The following FAM193B variants were observed in gnomAD, a reference collection of about 807,000 sequenced individuals.
FAM193B encodes family with sequence similarity 193 member B.
Under a neutral mutation model 70.7 loss-of-function variants are expected in FAM193B, and 27 were observed. The ratio of observed to expected loss-of-function variants is 0.38; its 90% confidence interval spans 0.28 to 0.53. The LOEUF is 0.53. FAM193B is among the 20% of genes least tolerant of loss of function. FAM193B has a pLI of 0.81. For missense variants in FAM193B, 1,022 were observed against 1,072.5 expected, an observed-to-expected ratio of 0.95 and a Z score of 0.66; for synonymous variants, 448 against 436.0, an observed-to-expected ratio of 1.03 and a Z score of -0.34.
At chr5:177,527,360 C>T (rs1053596930) in intron 5 of FAM193B, among the ~76,000 whole-genome samples, 4 of 152,128 alleles carry the variant, frequency 2.6e-5, no homozygotes, top group Non-Finnish European at 4.4e-5. Context: ...TGTTTGTGCC[C>T]GAGGGCAATG....
chr5:177,531,136 C>T (rs1763376735), intron 5 of FAM193B: 1 of 886,946 alleles, frequency 1.1e-6, no homozygotes, highest in African/African-American at 1.8e-5. Flanking sequence ...CCTGATGCCT[C>T]CCAAACTCAT....
rs1464498903 is a variant in FAM193B, at chr5:177,532,076, G to A, written c.1275+367C>T. ...CCTCGGCTGGCTGTCACACTTGGGG[G>A]ACTGAGAGCCTTTTTGCTTCCACTC... On this transcript the variant is annotated intron_variant, in intron 5 of 8. Coordinates refer to ENST00000514747, the MANE Select transcript of FAM193B (RefSeq NM_001190946.3). The surrounding 1 kb of genome is among the most constrained non-coding windows in gnomAD (Gnocchi z 4.9). 1 of 1,298,316 alleles carries A rather than the reference G, an allele frequency of 7.7e-7. No individual in the cohort carries two copies. Among genetic ancestry groups the A allele is most frequent in the Non-Finnish European group, 1.0e-6 (1 of 995,256 alleles). 80.4% of individuals were successfully genotyped at this position (1,298,316 alleles called of 1,614,324 possible).
At chr5:177,541,317 C>T (rs1764824575) in intron 1 of FAM193B, among the ~76,000 whole-genome samples, 1 of 152,198 alleles carries the variant, frequency 6.6e-6, no homozygotes, top group South Asian at 2.1e-4. Context: ...AAGGCGAGCA[C>T]CAAGACATGT....
At chr5:177,535,190 G>A (rs555236776) in intron 4 of FAM193B, among the ~76,000 whole-genome samples, 23 of 152,292 alleles carry the variant, frequency 1.5e-4, no homozygotes, top group Admixed American at 7.2e-4. Context: ...TAAAATGTCC[G>A]AATAACCCAA....
chr5:177,550,275 A>G (rs1766029682), intron 1 of FAM193B, among the ~76,000 whole-genome samples: 1 of 152,238 alleles, frequency 6.6e-6, no homozygotes, highest in Non-Finnish European at 1.5e-5. Context: ...GGATCCCCTC[A>G]GTATCATTTC....
intron 4 of FAM193B, among the ~76,000 whole-genome samples, chr5:177,533,449 C>T (rs138462421): frequency 0.016 from 2,392 of 152,126 alleles, 36 homozygotes; most frequent in Non-Finnish European, 0.026. Flanking sequence ...GGACTACAGG[C>T]GCCCGCAACC....
rs534704725 is a variant in FAM193B, at chr5:177,531,611, A to C, written c.1275+832T>G. ...CACGGGCACCAAGTATGTGATGAGA[A>C]GCAAGACAACTGTTCTCTCTACCAT... On this transcript the variant is annotated intron_variant, in intron 5 of 8. Transcript: ENST00000514747. 216 of 1,076,054 alleles carry C rather than the reference A, an allele frequency of 2.0e-4. 1 individual carries two copies. In the South Asian group the frequency reaches 2.7e-3, roughly 13 times the overall value. 66.7% of individuals were successfully genotyped at this position (1,076,054 alleles called of 1,614,324 possible). A position where few individuals can be genotyped will look rare whatever the true frequency, so the allele number is the denominator to read the frequency against.
rs887064385 is a variant in FAM193B at position 177,532,043 on chromosome 5, G to A, written c.1275+400C>T. The A allele has an allele frequency of 1.9e-5, 24 of 1,293,154 alleles. No individual in the cohort carries two copies. In the African/African-American group the frequency reaches 2.0e-4, roughly 11 times the overall value. The allele number at this position is 1,293,154 out of a possible 1,614,324, so 80.1% of individuals were successfully genotyped here. ...CCTTCCTGGCGCCGTCTGTGCTCAC[G>A]GCCTGTCCCTCGGCTGGCTGTCACA... is the stretch of plus-strand genomic sequence containing the variant. On this transcript the variant is annotated intron_variant, in intron 5 of 8. Coordinates refer to ENST00000514747, the MANE Select transcript of FAM193B (RefSeq NM_001190946.3). The surrounding 1 kb of genome is among the most constrained non-coding windows in gnomAD (Gnocchi z 4.9).
chr5:177,551,969 T>C, intron 1 of FAM193B: 2 of 953,014 alleles, frequency 2.1e-6, no homozygotes, highest in Non-Finnish European at 2.5e-6. Context: ...TAGAACCGAA[T>C]TTACCAGTTT....
chr5:177,536,851 C>A, intron 3 of FAM193B, 106 bp from the exon 4 acceptor site: 1 of 1,404,990 alleles, frequency 7.1e-7, no homozygotes, highest in Non-Finnish European at 9.5e-7. Flanking sequence ...CAAGAGGGCA[C>A]AGCCTCTCAG....
chr5:177,543,421 T>C (rs1765077555), intron 1 of FAM193B, among the ~76,000 whole-genome samples: 1 of 152,212 alleles, frequency 6.6e-6, no homozygotes, highest in Non-Finnish European at 1.5e-5. Flanking sequence ...GGCTGTTCTG[T>C]TCTAAGTCTA....
intron 1 of FAM193B, chr5:177,547,282 A>ATTTATTTTTTTTTTT (rs142591142): frequency 4.1e-5 from 1 of 24,686 alleles, no homozygotes; most frequent in Non-Finnish European, 8.4e-5. Context: ...AACCAAATTT[A>ATTTATTTTTTTTTTT]TTTCTTTTTT....
Position 177,554,527 on chromosome 5 carries a change from GCCGCTACCGCTC to G in FAM193B, c.-81_-70del. 1 of 905,912 alleles carries G rather than the reference GCCGCTACCGCTC, an allele frequency of 1.1e-6. No individual in the cohort carries two copies. The highest frequency in any genetic ancestry group is 1.3e-6 in the Non-Finnish European group (1 of 754,482). The allele number at this position is 905,912 out of a possible 1,614,324, so 56.1% of individuals were successfully genotyped here. On this transcript the variant is annotated 5_prime_UTR_variant, in exon 1 of 9. Coordinates refer to ENST00000514747, the MANE Select transcript of FAM193B (RefSeq NM_001190946.3). ...CGCCGCCGCCGCCGCCGCCGCCGCCGCCGCTACCGCTCCCCTCACAGGACAACAGCCAATATG... is the reference window on the plus strand; with the variant it reads ...CGCCGCCGCCGCCGCCGCCGCCGCCGCCCTCACAGGACAACAGCCAATATG...
chr5:177,531,536 G>GGGGGGGGGGGGGGGGGT, intron 5 of FAM193B: 4 of 1,047,028 alleles, frequency 3.8e-6, no homozygotes, highest in Non-Finnish European at 5.3e-6. Context: ...GGGTGGGGGG[G>GGGGGGGGGGGGGGGGGT]AGGTGCTGAC....
intron 8 of FAM193B, among the ~76,000 whole-genome samples, chr5:177,520,708 G>T (rs1761595106): frequency 6.6e-6 from 1 of 152,220 alleles, no homozygotes; most frequent in Non-Finnish European, 1.5e-5. Context: ...TCTCAGTAGG[G>T]ATAACAGATG....
At position 177,532,372 on chromosome 5, in the gene FAM193B, G is replaced by A; in HGVS notation, c.1275+71C>T. On this transcript the variant is annotated intron_variant, in intron 5 of 8. Transcript: ENST00000514747. The surrounding 1 kb of genome is among the most constrained non-coding windows in gnomAD (Gnocchi z 4.9). ...CACCGTGAGCAACGGGGTCTCTGGG[G>A]AGAGCAGGGTGCTCCTTTTGCTCAC... The A allele has an allele frequency of 6.5e-7, 1 of 1,536,144 alleles. No homozygotes were observed. Among genetic ancestry groups the A allele is most frequent in the Non-Finnish European group, 8.7e-7 (1 of 1,144,640 alleles).
intron 1 of FAM193B, 32 bp downstream of exon 1, chr5:177,554,217 C>G: frequency 1.3e-6 from 2 of 1,487,972 alleles, no homozygotes; most frequent in Middle Eastern, 1.8e-4. Context: ...TGAAAGCGCC[C>G]GAGCCGCCGA....
rs368787352 is a variant in FAM193B at position 177,540,222 on chromosome 5, G to A, written c.211-1075C>T. Reference sequence around the variant, plus strand: ...CTCGGGAGGCTGGGGCAGGAGAATCGCTTGAACCTGGGAGGCGGAGCTTGC... The same window carrying A: ...CTCGGGAGGCTGGGGCAGGAGAATCACTTGAACCTGGGAGGCGGAGCTTGC... On this transcript the variant is annotated intron_variant, in intron 1 of 8. Transcript: ENST00000514747. 4.0e-5 allele frequency among the ~76,000 whole-genome samples: 6 copies of A among 150,512 alleles called. No homozygotes were observed. The East Asian group carries it at 7.8e-4, about 20-fold the overall frequency.
chr5:177,532,467 G>A lies in FAM193B; in HGVS notation c.1251C>T (p.Tyr417=). ...QRDGKFCDCC[Y]CEFFGHNAEK... ...CCGCATTGTGGCCGAAGAACTCACA[G>A]TAGCAGCAGTCACAGAACTTCCCAT... Residue 417 remains tyrosine, a synonymous_variant, in exon 5 of 9, where the codon TAC becomes TAT. Coordinates refer to ENST00000514747, the MANE Select transcript of FAM193B (RefSeq NM_001190946.3). This position sits in a 1 kb window ranked among gnomAD's most constrained non-coding sequence, Gnocchi z 4.9. 6.2e-7 allele frequency: 1 copy of A among 1,611,772 alleles called. No homozygotes were observed. Among genetic ancestry groups the A allele is most frequent in the Non-Finnish European group, 8.5e-7 (1 of 1,179,120 alleles).
Sources: allele counts gnomAD v4.1 joint callset (sites outside exome capture counted in the v4.1 genomes callset), GRCh38; gene constraint gnomAD v4.1.1; non-coding constraint Gnocchi (gnomAD v3.1); transcripts MANE v1.5; gene names NCBI Gene and HGNC (gene_info 2026-07-23, HGNC 2026-07-21).